Variants in MBD5 observed in about 807,000 individuals in gnomAD.
The protein encoded by MBD5 is methyl-CpG binding domain protein 5.
In MBD5, 13 loss-of-function variants were observed where a neutral mutation model predicts 117.3. That is an observed-to-expected ratio of 0.11 (90% CI 0.07 to 0.18). The LOEUF is 0.18. Ranked by LOEUF, MBD5 falls within the 10% of genes least tolerant of loss-of-function variation. MBD5 has a pLI of 1.00. For missense variants in MBD5, 1,879 were observed against 2,093.8 expected, an observed-to-expected ratio of 0.90 and a Z score of 2.00; for synonymous variants, 727 against 766.4, an observed-to-expected ratio of 0.95 and a Z score of 0.85.
chr2:148,424,220 C>T (rs993428417), intron 4 of MBD5, among the ~76,000 whole-genome samples: 4 of 100,916 alleles, frequency 4.0e-5, no homozygotes, highest in African/African-American at 1.3e-4. Context: ...AAAAAAACAG[C>T]AGAGGTCGTA....
At chr2:148,493,625 C>T (rs1681598366) in intron 11 of MBD5, among the ~76,000 whole-genome samples, 1 of 152,126 alleles carries the variant, frequency 6.6e-6, no homozygotes, top group Non-Finnish European at 1.5e-5. Context: ...CTGAGACCTC[C>T]CCATTGTCAA....
At chr2:148,185,837 G>C (rs188999451) in intron 2 of MBD5, among the ~76,000 whole-genome samples, 1 of 152,258 alleles carries the variant, frequency 6.6e-6, no homozygotes, top group East Asian at 1.9e-4. Context: ...ATCTTGATCT[G>C]TTTCTAATGA....
intron 4 of MBD5, among the ~76,000 whole-genome samples, chr2:148,453,079 C>T (rs1460845969): frequency 4.6e-5 from 7 of 152,158 alleles, no homozygotes; most frequent in Non-Finnish European, 2.9e-5. Context: ...TGACAAGGTC[C>T]TGCTCTTAGA....
At chr2:148,345,454 CAT>C (rs537061557) in intron 4 of MBD5, among the ~76,000 whole-genome samples, 15 of 47,036 alleles carry the variant, frequency 3.2e-4, no homozygotes, top group African/African-American at 8.9e-4. Context: ...TACACATACA[CAT>C]ATACATATGT....
chr2:148,117,936 A>T (rs1696678571), intron 1 of MBD5, among the ~76,000 whole-genome samples: 1 of 152,212 alleles, frequency 6.6e-6, no homozygotes. Flanking sequence ...ATCTTCAGTG[A>T]AAAAGAGTTT....
At chr2:148,102,498 A>G (rs1696242008) in intron 1 of MBD5, among the ~76,000 whole-genome samples, 1 of 152,152 alleles carries the variant, frequency 6.6e-6, no homozygotes, top group South Asian at 2.1e-4. Context: ...GAGGTTACAC[A>G]GTGGTGACAT....
intron 2 of MBD5, among the ~76,000 whole-genome samples, chr2:148,188,682 CAAAAAAAA>C (rs34805724): frequency 1.9e-5 from 2 of 104,750 alleles, no homozygotes; most frequent in African/African-American, 3.6e-5. Context: ...GACCCTGTCT[CAAAAAAAA>C]AAAAAAAAAA....
intron 4 of MBD5, among the ~76,000 whole-genome samples, chr2:148,379,154 G>C (rs923687187): frequency 6.6e-6 from 1 of 151,992 alleles, no homozygotes; most frequent in African/African-American, 2.4e-5. Context: ...TCTACAGATA[G>C]TGAAAACAAT....
At chr2:148,166,459 G>A (rs1248293637) in intron 1 of MBD5, among the ~76,000 whole-genome samples, 2 of 152,090 alleles carry the variant, frequency 1.3e-5, no homozygotes, top group African/African-American at 4.8e-5. Context: ...ACATAAAATG[G>A]TTTCTTTTAC....
intron 4 of MBD5, among the ~76,000 whole-genome samples, chr2:148,398,312 C>T (rs1704799012): frequency 6.6e-6 from 1 of 151,092 alleles, no homozygotes; most frequent in African/African-American, 2.4e-5. Flanking sequence ...TTCTCCAGCA[C>T]CTGTTGTTTC....
intron 4 of MBD5, among the ~76,000 whole-genome samples, chr2:148,398,995 C>G (rs2105066738): frequency 6.6e-6 from 1 of 152,274 alleles, no homozygotes; most frequent in South Asian, 2.1e-4. Flanking sequence ...GGGCTCTGTT[C>G]TGTTCCATTG....
intron 4 of MBD5, among the ~76,000 whole-genome samples, chr2:148,426,516 AT>A (rs1705792914): frequency 2.6e-5 from 4 of 152,180 alleles, no homozygotes; most frequent in African/African-American, 9.6e-5. Context: ...CAACTATCTG[AT>A]CTTTGACAAA....
intron 2 of MBD5, among the ~76,000 whole-genome samples, chr2:148,203,730 C>T (rs2105970266): frequency 6.6e-6 from 1 of 152,198 alleles, no homozygotes; most frequent in East Asian, 1.9e-4. Context: ...TTTTATGCTT[C>T]TCTAAAGCTG....
intron 3 of MBD5, among the ~76,000 whole-genome samples, chr2:148,248,925 A>G (rs978797707): frequency 2.6e-5 from 4 of 152,118 alleles, no homozygotes; most frequent in African/African-American, 4.8e-5. Flanking sequence ...CTTTTCAATA[A>G]GTATACTGGG....
intron 2 of MBD5, among the ~76,000 whole-genome samples, chr2:148,220,743 G>A (rs148666962): frequency 3.9e-5 from 6 of 152,078 alleles, no homozygotes; most frequent in African/African-American, 1.2e-4. Context: ...TATCTTTTCT[G>A]TTACAATCAA....
intron 8 of MBD5, among the ~76,000 whole-genome samples, chr2:148,481,072 C>T (rs1182975969): frequency 6.6e-6 from 1 of 151,946 alleles, no homozygotes; most frequent in African/African-American, 2.4e-5. Flanking sequence ...TTTTGCTTCC[C>T]TTTTTTTGAT....
chr2:148,211,757 C>T (rs1323128020), intron 2 of MBD5, among the ~76,000 whole-genome samples: 1 of 151,964 alleles, frequency 6.6e-6, no homozygotes, highest in African/African-American at 2.4e-5. Flanking sequence ...ATATGAATTT[C>T]TTTTTTGAAT....
chr2:148,226,197 T>C (rs971832742), intron 2 of MBD5, among the ~76,000 whole-genome samples: 1 of 152,104 alleles, frequency 6.6e-6, no homozygotes, highest in Non-Finnish European at 1.5e-5. Context: ...TGTGCCATGT[T>C]GGTGTGCTGT....
chr2:148,370,810 T>G (rs960068712), intron 4 of MBD5, among the ~76,000 whole-genome samples: 1 of 152,206 alleles, frequency 6.6e-6, no homozygotes, highest in African/African-American at 2.4e-5. Flanking sequence ...TTTTTAAAGA[T>G]ATTTACCATT....
Sources: allele counts gnomAD v4.1 joint callset (sites outside exome capture counted in the v4.1 genomes callset), GRCh38; gene constraint gnomAD v4.1.1; transcripts MANE v1.5; gene names NCBI Gene and HGNC (gene_info 2026-07-23, HGNC 2026-07-21).